The following CDH12 variants were observed in gnomAD, a reference collection of about 807,000 sequenced individuals.
The protein encoded by CDH12 is cadherin 12, also known as cadherin-12.
In CDH12, 41 loss-of-function variants were observed where a neutral mutation model predicts 74.1. The ratio of observed to expected loss-of-function variants is 0.55; its 90% CI spans 0.43 to 0.72. The LOEUF is 0.72. Ranked by LOEUF, CDH12 falls within the 30% of genes least tolerant of loss-of-function variation. The pLI is 0.00. For synonymous variants in CDH12, 399 were observed against 355.0 expected (o/e 1.12, Z -1.39); for missense variants, 945 against 977.2 (o/e 0.97, Z 0.44).
Position 22,783,125 on chromosome 5 carries a change from A to G in CDH12, c.-523+69933T>C, listed in dbSNP as rs183049409. 1.3e-3 allele frequency among the ~76,000 whole-genome samples: 193 copies of G among 152,300 alleles called. No individual in the cohort carries two copies. The East Asian group carries it at 0.017, about 13-fold the overall frequency. ...GTAATTTCAATATCATATGAAAATG[A>G]CTAGGTTTTGCTTTTAGGACCTAGG... is the stretch of plus-strand genomic sequence containing the variant. On this transcript the variant is annotated intron_variant, in intron 1 of 14. Coordinates refer to ENST00000382254, the MANE Select transcript of CDH12 (RefSeq NM_004061.5).
chr5:22,000,590 A>G (rs1485973941), intron 5 of CDH12, among the ~76,000 whole-genome samples: 1 of 152,200 alleles, frequency 6.6e-6, no homozygotes, highest in African/African-American at 2.4e-5. Flanking sequence ...CAGGTGTAAA[A>G]TGACATAATT....
At chr5:22,194,308 C>CT (rs59899245) in intron 4 of CDH12, among the ~76,000 whole-genome samples, 47,044 of 139,492 alleles carry the variant, frequency 0.34, 8,505 homozygotes, top group East Asian at 0.7. Context: ...CTTTTTCTTT[C>CT]TTTTTTTTTT....
chr5:22,101,100 C>A (rs1744115309), intron 4 of CDH12, among the ~76,000 whole-genome samples: 1 of 151,704 alleles, frequency 6.6e-6, no homozygotes. Context: ...ATGTGACGCA[C>A]CAAGAAAATA....
At chr5:22,516,942 G>C (rs939923223) in intron 1 of CDH12, among the ~76,000 whole-genome samples, 2 of 151,952 alleles carry the variant, frequency 1.3e-5, no homozygotes, top group Admixed American at 1.3e-4. Flanking sequence ...CCAGATGAAA[G>C]AAGTTTAGAT....
At chr5:22,207,072 A>C (rs2150359312) in intron 4 of CDH12, among the ~76,000 whole-genome samples, 1 of 151,708 alleles carries the variant, frequency 6.6e-6, no homozygotes, top group Non-Finnish European at 1.5e-5. Flanking sequence ...AAAAAAAATT[A>C]GCCGGTCATG....
chr5:22,373,093 AC>A (rs1741367276), intron 3 of CDH12, among the ~76,000 whole-genome samples: 1 of 152,060 alleles, frequency 6.6e-6, no homozygotes. Context: ...ATGCACCATA[AC>A]AAGGGCACCT....
intron 1 of CDH12, among the ~76,000 whole-genome samples, chr5:22,832,160 C>T (rs1736644615): frequency 6.6e-6 from 1 of 152,168 alleles, no homozygotes; most frequent in Non-Finnish European, 1.5e-5. Context: ...AGCTATTCCA[C>T]TTAATTAGTT....
At chr5:22,795,320 A>C (rs1295001538) in intron 1 of CDH12, among the ~76,000 whole-genome samples, 2 of 152,098 alleles carry the variant, frequency 1.3e-5, no homozygotes, top group Non-Finnish European at 2.9e-5. Flanking sequence ...TAGCATTCAG[A>C]AGTCAGAAAC....
chr5:21,935,589 C>A (rs1471718510), intron 6 of CDH12, among the ~76,000 whole-genome samples: 1 of 152,140 alleles, frequency 6.6e-6, no homozygotes, highest in African/African-American at 2.4e-5. Context: ...CTTTGTGTTA[C>A]AAACAATCTG....
chr5:22,243,814 T>G (rs1752826709), intron 3 of CDH12, among the ~76,000 whole-genome samples: 1 of 152,184 alleles, frequency 6.6e-6, no homozygotes, highest in African/African-American at 2.4e-5. Context: ...AGTCTCAGTG[T>G]CCTAACCTGT....
chr5:22,227,252 G>C (rs1752226517), intron 3 of CDH12, among the ~76,000 whole-genome samples: 1 of 152,120 alleles, frequency 6.6e-6, no homozygotes, highest in African/African-American at 2.4e-5. Flanking sequence ...TCTGGTAAGT[G>C]TTCTACCATA....
chr5:22,775,703 A>G (rs1747055989), intron 1 of CDH12, among the ~76,000 whole-genome samples: 1 of 152,086 alleles, frequency 6.6e-6, no homozygotes, highest in Admixed American at 6.6e-5. Flanking sequence ...TGTAAATAAA[A>G]TATTTTACAT....
At position 22,521,712 on chromosome 5, in the gene CDH12, C is replaced by T. The variant is rs573769828; in HGVS notation, c.-522-16348G>A. Among the ~76,000 whole-genome samples the T allele has an allele frequency of 3.9e-5, 6 of 152,268 alleles. No homozygotes were observed. In the East Asian group the frequency reaches 1.2e-3, roughly 29 times the overall value. ...GCAAGCCACATGGTCTCTGTTGCAA[C>T]TCTTGTGGTGTGAAAGCAGCCATAT... On this transcript the variant is annotated intron_variant, in intron 1 of 14. Coordinates refer to ENST00000382254, the MANE Select transcript of CDH12 (RefSeq NM_004061.5).
intron 11 of CDH12, among the ~76,000 whole-genome samples, chr5:21,765,556 A>AGG (rs1170373311): frequency 2.0e-5 from 3 of 150,880 alleles, no homozygotes; most frequent in Middle Eastern, 3.5e-3. Flanking sequence ...AAAAAAAAAA[A>AGG]GGGGAAAGAA....
chr5:22,332,650 G>A (rs1739398132), intron 3 of CDH12, among the ~76,000 whole-genome samples: 1 of 152,058 alleles, frequency 6.6e-6, no homozygotes, highest in South Asian at 2.1e-4. Context: ...CAAAAAGTGG[G>A]CAAAGGATAT....
intron 3 of CDH12, among the ~76,000 whole-genome samples, chr5:22,330,360 G>T (rs1323956705): frequency 1.3e-5 from 2 of 152,018 alleles, no homozygotes; most frequent in African/African-American, 2.4e-5. Context: ...AATACCTAGG[G>T]GATATGCCAT....
At position 21,910,015 on chromosome 5, in the gene CDH12, C is replaced by A. The variant is rs576074117; in HGVS notation, c.527-55225G>T. ...ACGGAGAGAAAATAGCTGTTTTTGA[C>A]ACAGAACTAGAGGGTTCCAGTTGAG... On this transcript the variant is annotated intron_variant, in intron 6 of 14. Coordinates refer to ENST00000382254, the MANE Select transcript of CDH12 (RefSeq NM_004061.5). 2.0e-4 allele frequency among the ~76,000 whole-genome samples: 31 copies of A among 152,242 alleles called. No homozygotes were observed. The South Asian group carries it at 5.8e-3, about 29-fold the overall frequency.
chr5:22,707,592 G>T (rs1249832058), intron 1 of CDH12, among the ~76,000 whole-genome samples: 1 of 152,008 alleles, frequency 6.6e-6, no homozygotes, highest in Non-Finnish European at 1.5e-5. Flanking sequence ...ACATTGAGAG[G>T]GTCCTTAGAA....
At chr5:22,796,847 C>A (rs1748250119) in intron 1 of CDH12, among the ~76,000 whole-genome samples, 1 of 152,040 alleles carries the variant, frequency 6.6e-6, no homozygotes. Context: ...ATACTTTGTT[C>A]TTCTTCATGA....
Sources: gnomAD v4.1 joint callset for allele counts (sites outside exome capture counted in the v4.1 genomes callset) on GRCh38, gnomAD v4.1.1 for gene constraint, MANE v1.5 for transcripts, NCBI Gene and HGNC (gene_info 2026-07-23, HGNC 2026-07-21) for gene names.